The following RETREG1 variants were observed in gnomAD, a reference collection of about 807,000 sequenced individuals.
RETREG1 encodes family with sequence similarity 134 member B.
RETREG1 carries 44 observed loss-of-function variants against 54.8 expected under a neutral mutation model. The ratio of observed to expected loss-of-function variants is 0.80; its 90% CI spans 0.63 to 1.03. RETREG1 has a LOEUF of 1.03. RETREG1 is among the 50% of genes least tolerant of loss of function. The pLI is 0.00. For synonymous variants in RETREG1, 217 were observed against 238.5 expected (o/e 0.91, Z 0.83); for missense variants, 554 against 605.1 (o/e 0.92, Z 0.89).
chr5:16,519,668 G>T lies in RETREG1; in HGVS notation c.459-36196C>A, dbSNP rs1740468482. Among the ~76,000 whole-genome samples, 3 of 152,096 alleles carry T rather than the reference G, an allele frequency of 2.0e-5. No individual in the cohort carries two copies. The South Asian group carries it at 6.2e-4, about 32-fold the overall frequency. ...CTTCCCTGCCCCTGAGCTCTCCTGT[G>T]GACCGCCTCCATTCTTGTTGTGGAA... On this transcript the variant is annotated intron_variant, in intron 3 of 8. Coordinates refer to ENST00000306320, the MANE Select transcript of RETREG1 (RefSeq NM_001034850.3).
chr5:16,532,301 C>A (rs1323434048), intron 3 of RETREG1, among the ~76,000 whole-genome samples: 1 of 152,116 alleles, frequency 6.6e-6, no homozygotes, highest in Non-Finnish European at 1.5e-5. Context: ...CTGAAGTGGG[C>A]AGATCACGAG....
intron 3 of RETREG1, among the ~76,000 whole-genome samples, chr5:16,552,198 G>A (rs1741564725): frequency 6.6e-6 from 1 of 152,146 alleles, no homozygotes; most frequent in African/African-American, 2.4e-5. Context: ...TACTGCTCTT[G>A]TACACTCTTC....
rs1742939382 is a variant in RETREG1, at chr5:16,597,609, A to G, written c.320+19043T>C. On this transcript the variant is annotated intron_variant, in intron 1 of 8. Coordinates refer to ENST00000306320, the MANE Select transcript of RETREG1 (RefSeq NM_001034850.3). This position sits in a 1 kb window ranked among gnomAD's most constrained non-coding sequence, Gnocchi z 4.3. ...CCTCCCAGGGAGAAGGGCACTTCCA[A>G]CCTGCACTGCCCTTGGTCCTCCCCC... 6.6e-6 allele frequency among the ~76,000 whole-genome samples: 1 copy of G among 152,008 alleles called. No individual in the cohort carries two copies. The highest frequency in any genetic ancestry group is 2.4e-5 in the African/African-American group (1 of 41,388).
rs897998331 is a variant in RETREG1, at chr5:16,561,528, A to G, written c.458+4235T>C. 1.3e-5 allele frequency among the ~76,000 whole-genome samples: 2 copies of G among 151,950 alleles called. No individual in the cohort carries two copies. Among genetic ancestry groups the G allele is most frequent in the Non-Finnish European group, 2.9e-5 (2 of 67,992 alleles). On this transcript the variant is annotated intron_variant, in intron 3 of 8. Coordinates refer to ENST00000306320, the MANE Select transcript of RETREG1 (RefSeq NM_001034850.3). This position sits in a 1 kb window ranked among gnomAD's most constrained non-coding sequence, Gnocchi z 4.2. ...TAATAATAATAAAATAAATAAAATA[A>G]AATAAAATACAAATACAAATAAATG...
At chr5:16,604,532 G>T (rs1743133942) in intron 1 of RETREG1, among the ~76,000 whole-genome samples, 1 of 152,224 alleles carries the variant, frequency 6.6e-6, no homozygotes, top group African/African-American at 2.4e-5. Flanking sequence ...TAGCCACAAT[G>T]CTTTACCTAG....
chr5:16,606,986 G>A (rs749686533), intron 1 of RETREG1, among the ~76,000 whole-genome samples: 4 of 151,964 alleles, frequency 2.6e-5, no homozygotes, highest in Non-Finnish European at 5.9e-5. Context: ...CCCACCCCAG[G>A]GCTTTTGTGT....
rs1268915345 is a variant in RETREG1, at chr5:16,478,075, T to C, written c.832A>G (p.Lys278Glu). ...RSEADKEKSHKDDSELDFSAL... is the reference protein window; with the variant it reads ...RSEADKEKSHEDDSELDFSAL... ...GAAAAGTCTAATTCACTGTCATCTT[T>C]GTGACTTTTTTCTTTGTCTGCTTCT... Residue 278 changes from lysine (K) to glutamate (E), a missense_variant, in exon 7 of 9, where the codon AAA (lysine) becomes GAA (glutamate). Physicochemically the swap from Lys to Glu is moderately conservative, Grantham distance 56. Around this residue, in one of 4 missense-constraint regions of RETREG1, gnomAD observed 347 missense variants for 412.3 expected, o/e 0.84. Coordinates refer to ENST00000306320, the MANE Select transcript of RETREG1 (RefSeq NM_001034850.3). 6.2e-7 allele frequency: 1 copy of C among 1,611,192 alleles called. No individual in the cohort carries two copies. The highest frequency in any genetic ancestry group is 1.3e-5 in the African/African-American group (1 of 74,936).
At chr5:16,544,976 T>G (rs1266970303) in intron 3 of RETREG1, among the ~76,000 whole-genome samples, 1 of 152,226 alleles carries the variant, frequency 6.6e-6, no homozygotes, top group Non-Finnish European at 1.5e-5. Flanking sequence ...ACAATTAGCT[T>G]ATGTGACAAC....
chr5:16,541,785 GAAGGAAGGAAGGA>G (rs1318104518), intron 3 of RETREG1, among the ~76,000 whole-genome samples: 16 of 147,904 alleles, frequency 1.1e-4, no homozygotes, highest in Admixed American at 5.4e-4. Flanking sequence ...AGGAAGGAAG[GAAGGAAGGAAGGA>G]AAGGAAGGAA....
rs1448267833 is a variant in RETREG1, at chr5:16,601,398, T to C, written c.320+15254A>G. On this transcript the variant is annotated intron_variant, in intron 1 of 8. Coordinates refer to ENST00000306320, the MANE Select transcript of RETREG1 (RefSeq NM_001034850.3). ...ACAAAGAGGAGGAATTTTCTTTTTT[T>C]TTTTTTCTTTTTTTTTGAGATGGAG... Among the ~76,000 whole-genome samples, 29 of 151,530 alleles carry C rather than the reference T, an allele frequency of 1.9e-4. No homozygotes were observed. The East Asian group carries it at 5.2e-3, about 27-fold the overall frequency.
At chr5:16,551,151 T>G (rs527632922) in intron 3 of RETREG1, among the ~76,000 whole-genome samples, 2 of 152,156 alleles carry the variant, frequency 1.3e-5, no homozygotes, top group Non-Finnish European at 2.9e-5. Context: ...ACTGTTTCAT[T>G]TTTCTCCATT....
At chr5:16,572,214 T>A in intron 1 of RETREG1, 112 bp from the exon 2 acceptor site, 2 of 78,230 alleles carry the variant, frequency 2.6e-5, no homozygotes, top group African/African-American at 5.4e-5. Flanking sequence ...ATGATTTCAC[T>A]TTTTTTTTTT....
rs1345688625 is a variant in RETREG1 at position 16,473,502 on chromosome 5, A to G, written c.*1239T>C. The G allele has an allele frequency of 1.3e-5, 2 of 152,584 alleles. No individual in the cohort carries two copies. Among genetic ancestry groups the G allele is most frequent in the African/African-American group, 4.8e-5 (2 of 41,454 alleles). 9.5% of individuals were successfully genotyped at this position (152,584 alleles called of 1,614,324 possible). The stretch of plus-strand genomic sequence containing the variant: ...CTTTCTGAGGGTCTCAGATGTCTCT[A>G]TGCATCTGCCAAAATGCCAGCTGTA... On this transcript the variant is annotated 3_prime_UTR_variant, in exon 9 of 9. Transcript: ENST00000306320.
intron 1 of RETREG1, among the ~76,000 whole-genome samples, chr5:16,603,182 A>C (rs1392650083): frequency 2.0e-5 from 3 of 152,200 alleles, no homozygotes; most frequent in African/African-American, 7.2e-5. Context: ...TTGATATTAA[A>C]GATGTATGTG....
chr5:16,489,967 T>C (rs1739182340), intron 3 of RETREG1, among the ~76,000 whole-genome samples: 2 of 152,350 alleles, frequency 1.3e-5, no homozygotes, highest in Admixed American at 6.5e-5. Flanking sequence ...TCAGTTATTT[T>C]TGAAAGCAAA....
At chr5:16,508,509 A>G (rs1740049332) in intron 3 of RETREG1, 2 of 1,405,354 alleles carry the variant, frequency 1.4e-6, no homozygotes, top group Non-Finnish European at 2.0e-6. Context: ...TAGTCATAAT[A>G]TTTTTAAAAA....
chr5:16,591,485 C>G (rs765922171), intron 1 of RETREG1, among the ~76,000 whole-genome samples: 6 of 151,986 alleles, frequency 3.9e-5, no homozygotes, highest in Non-Finnish European at 5.9e-5. Context: ...ATGCTTTTCC[C>G]TGTTTGTCAA....
At chr5:16,526,244 T>C (rs1182320795) in intron 3 of RETREG1, among the ~76,000 whole-genome samples, 2 of 152,250 alleles carry the variant, frequency 1.3e-5, no homozygotes, top group Non-Finnish European at 1.5e-5. Flanking sequence ...TCAATCAGTC[T>C]TGATCCACAG....
At chr5:16,533,877 C>T (rs773362037) in intron 3 of RETREG1, among the ~76,000 whole-genome samples, 1 of 152,134 alleles carries the variant, frequency 6.6e-6, no homozygotes, top group Non-Finnish European at 1.5e-5. Context: ...GTGGATGTAT[C>T]GACCACCGTC....
Sources: gnomAD v4.1 joint callset for allele counts (sites outside exome capture counted in the v4.1 genomes callset) on GRCh38, gnomAD v4.1.1 for gene constraint, gnomAD v4.1.1 regional missense constraint, Gnocchi (gnomAD v3.1) non-coding constraint, MANE v1.5 for transcripts, NCBI Gene and HGNC (gene_info 2026-07-23, HGNC 2026-07-21) for gene names.